FSTL5: variants seen among roughly 807,000 people sequenced by gnomAD.
The protein encoded by FSTL5 is follistatin like 5.
Under a neutral mutation model 89.1 loss-of-function variants are expected in FSTL5, and 62 were observed. That is an observed-to-expected ratio of 0.70 (90% CI 0.57 to 0.86). The LOEUF (loss-of-function observed/expected upper bound fraction) is 0.86, where lower values mean the gene tolerates loss of function less well. Among genes scored for constraint, FSTL5 ranks in the 40% least tolerant of loss-of-function variants. FSTL5 has a pLI of 0.00. For missense variants in FSTL5, 1,057 were observed against 1,001.6 expected (o/e 1.06, Z -0.75); for synonymous variants, 383 against 346.2 (o/e 1.11, Z -1.18).
At chr4:161,906,667 G>T (rs1233403376) in intron 4 of FSTL5, among the ~76,000 whole-genome samples, 3 of 152,072 alleles carry the variant, frequency 2.0e-5, no homozygotes, top group Non-Finnish European at 4.4e-5. Context: ...ACAAAGGCAA[G>T]TATCTGGAAG....
chr4:161,602,253 A>AAGAGAGAGAGAG lies in FSTL5; in HGVS notation c.895-14690_895-14679dup, dbSNP rs58991875. Among the ~76,000 whole-genome samples the AAGAGAGAGAGAG allele has an allele frequency of 3.8e-3, 461 of 122,770 alleles. 20 individuals are homozygous for AAGAGAGAGAGAG. The highest frequency in any genetic ancestry group is 0.014 in the African/African-American group (420 of 30,864). The allele number at this position is 122,770 out of a possible 152,430, so 80.5% of individuals were successfully genotyped here. On this transcript the variant is annotated intron_variant, in intron 7 of 15. Transcript: ENST00000306100. ...TGAGAGAGTGAGAGAGAGGGAGAGAAAGAGAGAGAGAGAGAGAGAGAGAGA... is the reference window on the plus strand; with the variant it reads ...TGAGAGAGTGAGAGAGAGGGAGAGAAAGAGAGAGAGAGAGAGAGAGAGAGAGAGAGAGAGAGA...
chr4:161,781,443 T>C (rs1360677283), intron 4 of FSTL5, among the ~76,000 whole-genome samples: 1 of 152,132 alleles, frequency 6.6e-6, no homozygotes, highest in African/African-American at 2.4e-5. Context: ...CAGGTATATA[T>C]AATAAAGTAA....
In FSTL5 at chr4:161,481,156, G is replaced by C. The variant is rs764808067; in HGVS notation, c.1472C>G (p.Pro491Arg). Residue 491 changes from proline (P) to arginine (R), a missense_variant, in exon 13 of 16, where the codon CCC becomes CGC. Physicochemically the swap from Pro to Arg is moderately radical, Grantham distance 103 (BLOSUM62 -2). Around this residue, in one of 3 missense-constraint regions of FSTL5, gnomAD observed 980 missense variants for 903.2 expected, o/e 1.08. Transcript: ENST00000306100. ...KLLGFQDEVCPKAEGDEVQRC... is the reference protein window; with the variant it reads ...KLLGFQDEVCRKAEGDEVQRC... ...CTGAACTTCATCTCCCTCAGCTTTG[G>C]GACAGACTTCATCCTGTAATTTAGG... The C allele has an allele frequency of 6.2e-7, 1 of 1,606,338 alleles. No homozygotes were observed. The highest frequency in any genetic ancestry group is 8.5e-7 in the Non-Finnish European group (1 of 1,176,058).
At chr4:161,393,341 A>C (rs1730884804) in intron 15 of FSTL5, among the ~76,000 whole-genome samples, 1 of 152,078 alleles carries the variant, frequency 6.6e-6, no homozygotes, top group East Asian at 1.9e-4. Flanking sequence ...AATTATGCAC[A>C]ATCTACTATG....
intron 10 of FSTL5, among the ~76,000 whole-genome samples, chr4:161,518,662 T>G (rs17041164): frequency 0.02 from 3,023 of 152,218 alleles, 92 homozygotes; most frequent in African/African-American, 0.068. Flanking sequence ...AGGTAAGAAT[T>G]GTTGCTAAGT....
chr4:161,973,034 C>T (rs1735530148), intron 3 of FSTL5, among the ~76,000 whole-genome samples: 1 of 152,120 alleles, frequency 6.6e-6, no homozygotes, highest in Non-Finnish European at 1.5e-5. Context: ...TTACTATGGC[C>T]TAGAAAACTT....
intron 3 of FSTL5, 67 bp from the exon 4 acceptor site, chr4:161,920,719 G>C: frequency 2.8e-6 from 4 of 1,439,562 alleles, no homozygotes; most frequent in Non-Finnish European, 2.8e-6. Context: ...ATATTTCAGA[G>C]TATCAAGTGG....
At chr4:161,569,013 T>A (rs899898660) in intron 8 of FSTL5, among the ~76,000 whole-genome samples, 5 of 152,198 alleles carry the variant, frequency 3.3e-5, no homozygotes, top group Middle Eastern at 3.2e-3. Context: ...TATTTTCTTA[T>A]CATGGCTTTC....
intron 3 of FSTL5, among the ~76,000 whole-genome samples, chr4:162,018,288 TTTAGAG>T (rs754048559): frequency 6.6e-6 from 1 of 152,068 alleles, no homozygotes; most frequent in African/African-American, 2.4e-5. Flanking sequence ...ACTTACCACT[TTTAGAG>T]TTAGGCCTGG....
intron 8 of FSTL5, among the ~76,000 whole-genome samples, chr4:161,545,977 C>T (rs1051821383): frequency 4.6e-5 from 7 of 151,778 alleles, no homozygotes. Context: ...TTCATCTAGG[C>T]TTCCTGTGTT....
intron 4 of FSTL5, among the ~76,000 whole-genome samples, chr4:161,879,701 T>C (rs1732563361): frequency 6.6e-6 from 1 of 152,156 alleles, no homozygotes; most frequent in Admixed American, 6.6e-5. Flanking sequence ...TGTATGTGAC[T>C]TGACTAGCAT....
chr4:162,044,082 G>A (rs1738079255), intron 2 of FSTL5, among the ~76,000 whole-genome samples: 2 of 152,104 alleles, frequency 1.3e-5, no homozygotes, highest in Admixed American at 6.6e-5. Context: ...AATGAGATCT[G>A]GAATGGTGAA....
intron 4 of FSTL5, among the ~76,000 whole-genome samples, chr4:161,790,955 G>A (rs1729449585): frequency 6.6e-6 from 1 of 151,160 alleles, no homozygotes. Flanking sequence ...TCAGTATGTG[G>A]CTCATGACCA....
chr4:161,611,229 TAC>T (rs1438743617), intron 7 of FSTL5, among the ~76,000 whole-genome samples: 39 of 73,594 alleles, frequency 5.3e-4, no homozygotes, highest in South Asian at 5.4e-4. Context: ...TGTATGTGTA[TAC>T]ATATATATAT....
chr4:161,492,038 A>G (rs1029507698), intron 12 of FSTL5, among the ~76,000 whole-genome samples: 1 of 152,144 alleles, frequency 6.6e-6, no homozygotes, highest in African/African-American at 2.4e-5. Context: ...CCACATGTCA[A>G]TTTCATCTCC....
intron 4 of FSTL5, among the ~76,000 whole-genome samples, chr4:161,781,295 A>G (rs912111733): frequency 6.6e-6 from 1 of 151,842 alleles, no homozygotes; most frequent in African/African-American, 2.4e-5. Flanking sequence ...TGAAGGAACC[A>G]AAATTATCTT....
chr4:162,067,212 C>G (rs573252154), intron 2 of FSTL5, among the ~76,000 whole-genome samples: 8 of 152,000 alleles, frequency 5.3e-5, no homozygotes, highest in Non-Finnish European at 1.0e-4. Context: ...TGCCCCCACA[C>G]CCAACAAATT....
At chr4:161,676,334 TGA>T (rs1393587754) in intron 6 of FSTL5, among the ~76,000 whole-genome samples, 1 of 152,042 alleles carries the variant, frequency 6.6e-6, no homozygotes, top group Non-Finnish European at 1.5e-5. Flanking sequence ...AAAAAAAGGA[TGA>T]GTTTATGTTC....
At chr4:162,029,990 C>T (rs967076330) in intron 3 of FSTL5, among the ~76,000 whole-genome samples, 1 of 150,742 alleles carries the variant, frequency 6.6e-6, no homozygotes, top group Non-Finnish European at 1.5e-5. Flanking sequence ...CAGCTCATTG[C>T]AAACTCCTTC....
Sources: gnomAD v4.1 joint callset for allele counts (sites outside exome capture counted in the v4.1 genomes callset) on GRCh38, gnomAD v4.1.1 for gene constraint, gnomAD v4.1.1 regional missense constraint, MANE v1.5 for transcripts, NCBI Gene and HGNC (gene_info 2026-07-23, HGNC 2026-07-21) for gene names.